Variants in DCDC1 observed in about 807,000 individuals in gnomAD.
DCDC1 encodes doublecortin domain containing 1.
A neutral mutation model predicts 178.3 loss-of-function variants in DCDC1; 200 were observed. That is an observed-to-expected ratio of 1.12 (90% confidence interval 1.00 to 1.26). DCDC1 has a LOEUF of 1.26. Among genes scored for constraint, DCDC1 ranks in the 50% most tolerant of loss-of-function variants. DCDC1 has a pLI of 0.00. For synonymous variants in DCDC1, 690 were observed against 604.8 expected (o/e 1.14, Z -2.07); for missense variants, 1,983 against 1,749.2 (o/e 1.13, Z -2.38).
chr11:31,101,336 T>C (rs993613490), intron 15 of DCDC1, among the ~76,000 whole-genome samples: 10 of 149,086 alleles, frequency 6.7e-5, no homozygotes, highest in African/African-American at 2.5e-4. Context: ...GGAGATAGAT[T>C]TAAAACGCCT....
chr11:31,249,372 T>C (rs1929018), intron 8 of DCDC1, among the ~76,000 whole-genome samples: 105,078 of 152,044 alleles, frequency 0.69, 37,334 homozygotes, highest in East Asian at 0.95. Flanking sequence ...CCAACTGCCA[T>C]TAAAACACTT....
At chr11:30,960,007 T>C (rs543151250) in intron 20 of DCDC1, among the ~76,000 whole-genome samples, 1 of 152,220 alleles carries the variant, frequency 6.6e-6, no homozygotes, top group Admixed American at 6.6e-5. Flanking sequence ...TACTGTTTAC[T>C]AGGAAACTCG....
At chr11:31,241,788 T>C (rs1591517359) in intron 8 of DCDC1, 172 bp from the exon 9 acceptor site, 1 of 370,004 alleles carries the variant, frequency 2.7e-6, no homozygotes, top group Non-Finnish European at 4.8e-6. Flanking sequence ...CCATGAAGGA[T>C]GTATTTATAT....
intron 20 of DCDC1, among the ~76,000 whole-genome samples, chr11:30,956,991 T>C (rs1948807333): frequency 6.6e-6 from 1 of 152,146 alleles, no homozygotes; most frequent in African/African-American, 2.4e-5. Flanking sequence ...AAAATAGAAG[T>C]GGTCAGAAGA....
intron 38 of DCDC1, among the ~76,000 whole-genome samples, chr11:30,869,562 G>A (rs2133911455): frequency 6.6e-6 from 1 of 152,300 alleles, no homozygotes. Context: ...GAGAGAAAGG[G>A]CATGTCCACA....
intron 13 of DCDC1, among the ~76,000 whole-genome samples, chr11:31,105,823 A>G (rs1958808772): frequency 6.6e-6 from 1 of 152,168 alleles, no homozygotes; most frequent in Non-Finnish European, 1.5e-5. Context: ...ATTTGAATAT[A>G]TAGCAAATCC....
chr11:31,212,907 C>G (rs184636384), intron 9 of DCDC1, among the ~76,000 whole-genome samples: 16 of 152,152 alleles, frequency 1.1e-4, no homozygotes, highest in African/African-American at 3.9e-4. Context: ...CCATTAGTAG[C>G]TATATATAAC....
At chr11:31,062,788 C>G (rs11031272) in intron 20 of DCDC1, among the ~76,000 whole-genome samples, 1 of 146,420 alleles carries the variant, frequency 6.8e-6, no homozygotes, top group Non-Finnish European at 1.5e-5. Context: ...TCTTTTTTTT[C>G]TTTTTTAAAA....
chr11:31,179,171 A>T (rs757275499), intron 9 of DCDC1, among the ~76,000 whole-genome samples: 1 of 152,212 alleles, frequency 6.6e-6, no homozygotes, highest in Non-Finnish European at 1.5e-5. Context: ...GTCACCAAAA[A>T]GAGAAAAGAA....
intron 3 of DCDC1, among the ~76,000 whole-genome samples, chr11:31,312,411 T>C (rs1242740969): frequency 6.6e-6 from 1 of 152,200 alleles, no homozygotes; most frequent in Non-Finnish European, 1.5e-5. Flanking sequence ...ATTAATTTTA[T>C]GTATCAACTT....
At chr11:30,877,535 A>G (rs1047506889) in intron 38 of DCDC1, among the ~76,000 whole-genome samples, 3 of 152,164 alleles carry the variant, frequency 2.0e-5, no homozygotes, top group Non-Finnish European at 4.4e-5. Flanking sequence ...TAAACCTTCC[A>G]TAATTTTTCT....
chr11:31,196,403 A>AC (rs927662628), intron 9 of DCDC1, among the ~76,000 whole-genome samples: 2 of 151,522 alleles, frequency 1.3e-5, no homozygotes, highest in Admixed American at 6.6e-5. Flanking sequence ...AAGACTATCC[A>AC]CCCCCCGACC....
At chr11:30,997,462 T>C (rs1056462056) in intron 20 of DCDC1, among the ~76,000 whole-genome samples, 1 of 152,098 alleles carries the variant, frequency 6.6e-6, no homozygotes, top group Non-Finnish European at 1.5e-5. Context: ...AGAAAAGCGC[T>C]AATCTAGTAA....
chr11:30,967,430 C>T (rs896678467), intron 20 of DCDC1, among the ~76,000 whole-genome samples: 2 of 152,124 alleles, frequency 1.3e-5, no homozygotes, highest in African/African-American at 4.8e-5. Context: ...CCCAAAATCT[C>T]CTTAAGCTGA....
Position 30,906,702 on chromosome 11 carries a change from A to G in DCDC1, c.3942T>C (p.Asp1314=), listed in dbSNP as rs1406010175. The change falls in exon 30 of 39, where the codon GAT becomes GAC. Residue 1314 remains aspartate (D), a synonymous_variant. Transcript: ENST00000684477. ...AGCAGAGCATAGTTTTTCTCTTTCC[A>G]TCAGGTGAGAGATAACAGTATCCCT... ...DQPGYCYLSP[D]GKRKTMLCLA... 2 of 1,613,402 alleles carry G rather than the reference A, an allele frequency of 1.2e-6. No homozygotes were observed. The highest frequency in any genetic ancestry group is 1.1e-5 in the South Asian group (1 of 91,034).
rs543227246 is a variant in DCDC1, at chr11:31,121,845, C to A, written c.1485+5624G>T. ...CCATTTATTTTTTGTCAAATACTTT[C>A]TAAGATTAAAATGAACAGAAAACAG... is the stretch of plus-strand genomic sequence containing the variant. On this transcript the variant is annotated intron_variant, in intron 11 of 38. Coordinates refer to ENST00000684477, the MANE Select transcript of DCDC1 (RefSeq NM_001387274.1). 1.6e-4 allele frequency among the ~76,000 whole-genome samples: 24 copies of A among 152,030 alleles called. No homozygotes were observed. In the South Asian group the frequency reaches 1.9e-3, roughly 12 times the overall value.
At chr11:31,136,982 A>G (rs1284038657) in intron 10 of DCDC1, among the ~76,000 whole-genome samples, 5 of 152,210 alleles carry the variant, frequency 3.3e-5, no homozygotes, top group Admixed American at 3.3e-4. Context: ...TAGTATTTCT[A>G]AAATTCAGAA....
At chr11:31,127,754 G>C (rs1320485271) in intron 10 of DCDC1, 115 bp from the exon 11 acceptor site, 1 of 621,562 alleles carries the variant, frequency 1.6e-6, no homozygotes, top group East Asian at 2.8e-5. Context: ...ACAGGAATTT[G>C]AGTACAGATC....
intron 7 of DCDC1, among the ~76,000 whole-genome samples, chr11:31,277,169 G>C (rs1233233242): frequency 6.6e-6 from 1 of 151,782 alleles, no homozygotes; most frequent in African/African-American, 2.4e-5. Context: ...CCAATAATCT[G>C]GTTTTTTTCA....
Sources: gnomAD v4.1 joint callset for allele counts (sites outside exome capture counted in the v4.1 genomes callset) on GRCh38, gnomAD v4.1.1 for gene constraint, MANE v1.5 for transcripts, NCBI Gene and HGNC (gene_info 2026-07-23, HGNC 2026-07-21) for gene names.